ATRNL1: variants seen among roughly 807,000 people sequenced by gnomAD.
The protein encoded by ATRNL1 is attractin-like protein 1.
Under a neutral mutation model 182.7 loss-of-function variants are expected in ATRNL1, and 95 were observed. That is an observed-to-expected ratio of 0.52 (90% CI 0.44 to 0.62). ATRNL1 has a LOEUF of 0.62. Among genes scored for constraint, ATRNL1 ranks in the 20% least tolerant of loss-of-function variants. The pLI is 0.00. For missense variants in ATRNL1, 1,471 were observed against 1,679.5 expected (o/e 0.88, Z 2.17); for synonymous variants, 576 against 568.3 (o/e 1.01, Z -0.19).
intron 26 of ATRNL1, among the ~76,000 whole-genome samples, chr10:115,610,228 A>G (rs1034672042): frequency 1.3e-5 from 2 of 152,164 alleles, no homozygotes; most frequent in Non-Finnish European, 2.9e-5. Flanking sequence ...CTGTTTTAGA[A>G]ACTGTGCTCT....
chr10:115,885,519 T>TA (rs1365662889), intron 28 of ATRNL1, among the ~76,000 whole-genome samples: 6 of 152,196 alleles, frequency 3.9e-5, no homozygotes, highest in Non-Finnish European at 7.4e-5. Context: ...AGAATTCTTT[T>TA]AAAAAAATAA....
chr10:115,204,264 A>G (rs571729131), intron 8 of ATRNL1, among the ~76,000 whole-genome samples: 1 of 152,088 alleles, frequency 6.6e-6, no homozygotes, highest in Admixed American at 6.6e-5. Context: ...CTTCTTTCCA[A>G]TTTGGATGTC....
chr10:115,135,835 G>A (rs1845484811), intron 5 of ATRNL1, among the ~76,000 whole-genome samples: 1 of 151,836 alleles, frequency 6.6e-6, no homozygotes, highest in South Asian at 2.1e-4. Flanking sequence ...AACCTACCTG[G>A]TCTTGTGTGT....
chr10:115,549,535 A>C lies in ATRNL1; in HGVS notation c.3794A>C (p.Glu1265Ala), dbSNP rs782425256. 1 of 1,581,354 alleles carries C rather than the reference A, an allele frequency of 6.3e-7. No individual in the cohort carries two copies. The highest frequency in any genetic ancestry group is 1.7e-5 in the Admixed American group (1 of 57,308). The change falls in exon 26 of 29, where the codon GAG becomes GCG. Residue 1265 changes from glutamate to alanine, a missense_variant and splice_region_variant. Transcript: ENST00000355044. Reference sequence around the variant, plus strand: ...ACTTGTTGGGCTTCTCGACGGAGAGAGGTATCAGTAATATTATTTAATCTT... The same window carrying C: ...ACTTGTTGGGCTTCTCGACGGAGAGCGGTATCAGTAATATTATTTAATCTT... The part of the protein sequence containing the change: ...KQTCWASRRR[E>A]QLLRERQQMA...
intron 27 of ATRNL1, among the ~76,000 whole-genome samples, chr10:115,757,449 C>T (rs928616938): frequency 1.3e-5 from 2 of 152,228 alleles, no homozygotes; most frequent in Middle Eastern, 3.4e-3. Context: ...AAATTCTGGG[C>T]TGAAAATTCT....
chr10:115,324,104 G>A (rs1160568695), intron 18 of ATRNL1, among the ~76,000 whole-genome samples: 1 of 151,992 alleles, frequency 6.6e-6, no homozygotes, highest in African/African-American at 2.4e-5. Flanking sequence ...TGTATTCTTT[G>A]TTTAAATCAA....
intron 28 of ATRNL1, among the ~76,000 whole-genome samples, chr10:115,850,171 T>A (rs1951021963): frequency 6.6e-6 from 1 of 152,146 alleles, no homozygotes; most frequent in East Asian, 1.9e-4. Flanking sequence ...TGGACTGATA[T>A]GTCATAAAGC....
At chr10:115,570,524 A>G (rs1555003153) in intron 26 of ATRNL1, among the ~76,000 whole-genome samples, 2 of 152,208 alleles carry the variant, frequency 1.3e-5, no homozygotes, top group Non-Finnish European at 2.9e-5. Context: ...CTTCAAGTTT[A>G]CAAAGGAGTT....
At chr10:115,557,716 C>CGGAG (rs1853393965) in intron 26 of ATRNL1, among the ~76,000 whole-genome samples, 1 of 152,024 alleles carries the variant, frequency 6.6e-6, no homozygotes, top group Non-Finnish European at 1.5e-5. Flanking sequence ...ACCTATTCTC[C>CGGAG]AGACAAACAA....
chr10:115,262,118 A>G (rs1337003325), intron 10 of ATRNL1, among the ~76,000 whole-genome samples: 8 of 151,974 alleles, frequency 5.3e-5, no homozygotes, highest in Non-Finnish European at 1.5e-5. Flanking sequence ...ATTTAGAATT[A>G]AAAGTGCTTA....
chr10:115,112,469 T>C (rs72836552), intron 1 of ATRNL1, among the ~76,000 whole-genome samples: 10,272 of 152,304 alleles, frequency 0.067, 422 homozygotes, highest in Non-Finnish European at 0.095. Context: ...CAAATTGTTA[T>C]AACAAGTCTG....
intron 5 of ATRNL1, among the ~76,000 whole-genome samples, chr10:115,153,844 T>TTGTGGGC (rs1846367649): frequency 6.6e-6 from 1 of 152,208 alleles, no homozygotes; most frequent in South Asian, 2.1e-4. Flanking sequence ...CTGCTTTCTG[T>TTGTGGGC]TGTGGGCATT....
At chr10:115,482,882 A>G (rs1848836246) in intron 24 of ATRNL1, among the ~76,000 whole-genome samples, 1 of 151,300 alleles carries the variant, frequency 6.6e-6, no homozygotes. Flanking sequence ...ATATACCTAG[A>G]TATTGAATAA....
chr10:115,797,285 C>T (rs1949676347), intron 27 of ATRNL1, among the ~76,000 whole-genome samples: 1 of 152,146 alleles, frequency 6.6e-6, no homozygotes, highest in East Asian at 1.9e-4. Context: ...AAAAATAGGC[C>T]TTTAAAAGTC....
intron 3 of ATRNL1, among the ~76,000 whole-genome samples, chr10:115,126,020 A>C (rs1844957214): frequency 6.6e-6 from 1 of 152,196 alleles, no homozygotes; most frequent in African/African-American, 2.4e-5. Flanking sequence ...TTGTTTTTAA[A>C]ATACTTGTAA....
intron 19 of ATRNL1, among the ~76,000 whole-genome samples, chr10:115,384,853 C>CT (rs566812367): frequency 0.02 from 2,810 of 143,630 alleles, 73 homozygotes; most frequent in African/African-American, 0.06. Flanking sequence ...TTTAATTTCT[C>CT]TTTTTTTTTT....
chr10:115,780,249 A>G (rs188250335), intron 27 of ATRNL1, among the ~76,000 whole-genome samples: 61 of 152,330 alleles, frequency 4.0e-4, no homozygotes, highest in Admixed American at 2.0e-3. Context: ...CAGCACGCAC[A>G]GAGGGAGCAT....
intron 22 of ATRNL1, among the ~76,000 whole-genome samples, chr10:115,463,396 T>G (rs1489789632): frequency 1.3e-5 from 2 of 152,146 alleles, no homozygotes; most frequent in East Asian, 3.9e-4. Flanking sequence ...CAAGCCGTCC[T>G]TCACTGATTA....
chr10:115,764,517 T>C (rs1438123335), intron 27 of ATRNL1, among the ~76,000 whole-genome samples: 2 of 152,176 alleles, frequency 1.3e-5, no homozygotes, highest in African/African-American at 2.4e-5. Context: ...CTGATCTTTT[T>C]ACTGTCTCCA....
Sources: allele counts gnomAD v4.1 joint callset (sites outside exome capture counted in the v4.1 genomes callset), GRCh38; gene constraint gnomAD v4.1.1; transcripts MANE v1.5; gene names NCBI Gene and HGNC (gene_info 2026-07-23, HGNC 2026-07-21).